FOXP1: variants seen among roughly 807,000 people sequenced by gnomAD.
FOXP1 encodes the protein forkhead box P1.
FOXP1 carries 15 observed loss-of-function variants against 98.2 expected under a neutral mutation model. That is an observed-to-expected ratio of 0.15 (90% CI 0.10 to 0.24). The LOEUF (loss-of-function observed/expected upper bound fraction) is 0.24, where lower values mean the gene tolerates loss of function less well. Ranked by LOEUF, FOXP1 falls within the 10% of genes least tolerant of loss-of-function variation. FOXP1 has a pLI of 1.00. For synonymous variants in FOXP1, 371 were observed against 314.5 expected, an observed-to-expected ratio of 1.18 and a Z score of -1.90; for missense variants, 633 against 848.5, an observed-to-expected ratio of 0.75 and a Z score of 3.15.
At chr3:71,327,522 G>C (rs9826908) in intron 4 of FOXP1, among the ~76,000 whole-genome samples, 97,172 of 148,476 alleles carry the variant, frequency 0.65, 32,964 homozygotes, top group East Asian at 0.9. Flanking sequence ...CGAGTAGCTG[G>C]GACTACAGGC....
intron 2 of FOXP1, among the ~76,000 whole-genome samples, chr3:71,535,677 T>C (rs1276726914): frequency 6.6e-6 from 1 of 152,118 alleles, no homozygotes; most frequent in Non-Finnish European, 1.5e-5. Flanking sequence ...TAAGCTGCAG[T>C]CGCACCACTA....
Position 71,053,613 on chromosome 3 carries a change from G to T in FOXP1, c.420+23C>A, listed in dbSNP as rs775089866. On this transcript the variant is annotated intron_variant, in intron 8 of 20. Transcript: ENST00000649528. ...CCCTGGGTTCTGGGGGAGACAGGCTGGAGGTGGAGGAAGGACAATTACCTG... is the reference window on the plus strand; with the variant it reads ...CCCTGGGTTCTGGGGGAGACAGGCTTGAGGTGGAGGAAGGACAATTACCTG... 38 of 1,613,744 alleles carry T rather than the reference G, an allele frequency of 2.4e-5. No individual in the cohort carries two copies. The Middle Eastern group carries it at 5.0e-4, about 21-fold the overall frequency.
chr3:71,314,616 C>T (rs1164701208), intron 4 of FOXP1, among the ~76,000 whole-genome samples: 1 of 151,508 alleles, frequency 6.6e-6, no homozygotes, highest in Non-Finnish European at 1.5e-5. Context: ...TTTTAAACTT[C>T]TTAAGAACAT....
At chr3:71,573,213 T>C (rs549161951) in intron 2 of FOXP1, among the ~76,000 whole-genome samples, 50 of 152,336 alleles carry the variant, frequency 3.3e-4, no homozygotes, top group Admixed American at 5.2e-4. Context: ...GAGATTTCTC[T>C]CTAAGTATCT....
At chr3:71,055,140 G>C (rs2050445594) in intron 7 of FOXP1, among the ~76,000 whole-genome samples, 2 of 152,268 alleles carry the variant, frequency 1.3e-5, no homozygotes, top group South Asian at 4.2e-4. Context: ...CCTGTCATTT[G>C]CATAGCGAGC....
At chr3:71,403,194 G>A (rs2082063186) in intron 3 of FOXP1, among the ~76,000 whole-genome samples, 1 of 152,210 alleles carries the variant, frequency 6.6e-6, no homozygotes, top group Admixed American at 6.5e-5. Flanking sequence ...AAATCCTCAT[G>A]TGTTCATGTG....
At chr3:71,540,112 A>G (rs2107602656) in intron 2 of FOXP1, among the ~76,000 whole-genome samples, 1 of 152,380 alleles carries the variant, frequency 6.6e-6, no homozygotes, top group South Asian at 2.1e-4. Context: ...TGTGCATTGA[A>G]GATATTACTG....
At chr3:71,135,374 A>AT (rs760631745) in intron 6 of FOXP1, among the ~76,000 whole-genome samples, 1 of 152,002 alleles carries the variant, frequency 6.6e-6, no homozygotes, top group Non-Finnish European at 1.5e-5. Context: ...ACATGTAAAG[A>AT]TTAAGTATAA....
chr3:71,040,789 CACT>C (rs1234570763), intron 11 of FOXP1, among the ~76,000 whole-genome samples: 2 of 152,330 alleles, frequency 1.3e-5, no homozygotes, highest in East Asian at 3.9e-4. Context: ...CCACCACCAC[CACT>C]ACCTCTTCTG....
At chr3:70,999,338 T>C (rs1004187803) in intron 13 of FOXP1, among the ~76,000 whole-genome samples, 2 of 152,200 alleles carry the variant, frequency 1.3e-5, no homozygotes, top group African/African-American at 2.4e-5. Context: ...TCCACCCGCC[T>C]TGGCCTCCCA....
At chr3:71,129,034 T>C (rs1021176618) in intron 6 of FOXP1, among the ~76,000 whole-genome samples, 3 of 152,154 alleles carry the variant, frequency 2.0e-5, no homozygotes, top group East Asian at 3.8e-4. Flanking sequence ...CTTCAGCTAC[T>C]CCCTTCCCCT....
intron 5 of FOXP1, among the ~76,000 whole-genome samples, chr3:71,282,460 G>A (rs1174784656): frequency 6.6e-6 from 1 of 152,012 alleles, no homozygotes; most frequent in Non-Finnish European, 1.5e-5. Context: ...CATGTACTGT[G>A]CCAATCATAA....
At chr3:71,192,534 G>A (rs1046865153) in intron 6 of FOXP1, among the ~76,000 whole-genome samples, 2 of 152,374 alleles carry the variant, frequency 1.3e-5, no homozygotes, top group Non-Finnish European at 2.9e-5. Flanking sequence ...AAATGTTTGT[G>A]AGACAGCTTT....
At chr3:71,232,938 C>G (rs1401403371) in intron 5 of FOXP1, among the ~76,000 whole-genome samples, 1 of 133,136 alleles carries the variant, frequency 7.5e-6, no homozygotes. Context: ...CTCTACAATA[C>G]TACTACCACC....
chr3:71,312,450 C>T (rs892633767), intron 4 of FOXP1, among the ~76,000 whole-genome samples: 2 of 152,224 alleles, frequency 1.3e-5, no homozygotes, highest in Non-Finnish European at 1.5e-5. Flanking sequence ...GAGCTGCTTA[C>T]TTCATTAAAG....
chr3:71,250,440 A>G (rs1023510184), intron 5 of FOXP1, among the ~76,000 whole-genome samples: 1 of 152,208 alleles, frequency 6.6e-6, no homozygotes, highest in Non-Finnish European at 1.5e-5. Context: ...TGTAAGTTTA[A>G]TTAATTTAAA....
At chr3:71,282,993 A>T (rs1179221795) in intron 5 of FOXP1, among the ~76,000 whole-genome samples, 2 of 152,204 alleles carry the variant, frequency 1.3e-5, no homozygotes, top group Non-Finnish European at 2.9e-5. Flanking sequence ...CAGGAATCAG[A>T]CAAGTGCACA....
intron 4 of FOXP1, among the ~76,000 whole-genome samples, chr3:71,315,257 GA>G (rs1296016057): frequency 2.6e-5 from 4 of 152,096 alleles, no homozygotes; most frequent in African/African-American, 9.7e-5. Flanking sequence ...AAAAGGCACA[GA>G]ACCACTTTCC....
At chr3:71,269,881 G>A (rs1163661708) in intron 5 of FOXP1, among the ~76,000 whole-genome samples, 1 of 152,102 alleles carries the variant, frequency 6.6e-6, no homozygotes, top group Non-Finnish European at 1.5e-5. Flanking sequence ...TAAATCATAT[G>A]CTAAGAGATT....
Sources: allele counts gnomAD v4.1 joint callset (sites outside exome capture counted in the v4.1 genomes callset), GRCh38; gene constraint gnomAD v4.1.1; transcripts MANE v1.5; gene names NCBI Gene and HGNC (gene_info 2026-07-23, HGNC 2026-07-21).